Variants in CACNA1B observed in about 807,000 individuals in gnomAD.
CACNA1B encodes voltage-dependent N-type calcium channel subunit alpha-1B.
In CACNA1B, 70 loss-of-function variants were observed where a neutral mutation model predicts 247.2. The ratio of observed to expected loss-of-function variants is 0.28; its 90% CI spans 0.23 to 0.35. CACNA1B has a LOEUF of 0.35. Among genes scored for constraint, CACNA1B ranks in the 10% least tolerant of loss-of-function variants. The probability of loss-of-function intolerance (pLI) is 1.00; values close to 1 mark genes in which losing one functional copy is unlikely to be tolerated. For synonymous variants in CACNA1B, 1,231 were observed against 1,294.4 expected, an observed-to-expected ratio of 0.95 and a Z score of 1.05; for missense variants, 2,367 against 3,197.4, an observed-to-expected ratio of 0.74 and a Z score of 6.26.
chr9:138,038,691 A>C (rs934612022), intron 20 of CACNA1B, among the ~76,000 whole-genome samples: 2 of 152,026 alleles, frequency 1.3e-5, no homozygotes, highest in African/African-American at 4.8e-5. Context: ...TCTGAAGTGC[A>C]CCCTTGCTCG....
At chr9:137,893,335 T>C (rs907555524) in intron 3 of CACNA1B, among the ~76,000 whole-genome samples, 4 of 137,096 alleles carry the variant, frequency 2.9e-5, no homozygotes, top group African/African-American at 1.2e-4. Context: ...TAGACGCTGA[T>C]ATTAACAACT....
Position 137,963,267 on chromosome 9 carries a change from T to C in CACNA1B, c.1333+5580T>C, listed in dbSNP as rs898081487. 8.5e-5 allele frequency among the ~76,000 whole-genome samples: 13 copies of C among 152,328 alleles called. No individual in the cohort carries two copies. In the South Asian group the frequency reaches 1.7e-3, roughly 19 times the overall value. The stretch of plus-strand genomic sequence containing the variant: ...CCTCCATCCCTTTATTTTGAGCCCA[T>C]GTGTGTCTTTGCATGTGATGTGGGT... On this transcript the variant is annotated intron_variant, in intron 10 of 46. Coordinates refer to ENST00000371372, the MANE Select transcript of CACNA1B (RefSeq NM_000718.4).
At chr9:138,105,555 G>C in intron 38 of CACNA1B, 144 bp from the exon 39 acceptor site, 1 of 593,620 alleles carries the variant, frequency 1.7e-6, no homozygotes. Context: ...ACTCCCACCC[G>C]CCCCACCTCA....
chr9:137,956,229 C>T (rs1388872556), intron 8 of CACNA1B, among the ~76,000 whole-genome samples: 1 of 152,178 alleles, frequency 6.6e-6, no homozygotes, highest in African/African-American at 2.4e-5. Context: ...TCGCCTGTGG[C>T]ACAGCTGTTC....
intron 3 of CACNA1B, among the ~76,000 whole-genome samples, chr9:137,903,726 G>A (rs1375503551): frequency 6.6e-6 from 1 of 152,008 alleles, no homozygotes; most frequent in Non-Finnish European, 1.5e-5. Flanking sequence ...AATGTAGTAT[G>A]TATGAAAATT....
At chr9:137,935,872 G>T (rs1957661278) in intron 6 of CACNA1B, among the ~76,000 whole-genome samples, 1 of 151,634 alleles carries the variant, frequency 6.6e-6, no homozygotes, top group Admixed American at 6.6e-5. Flanking sequence ...CCGGAGTGCA[G>T]TGGCACGATC....
intron 6 of CACNA1B, among the ~76,000 whole-genome samples, chr9:137,938,886 A>T (rs1331755108): frequency 2.6e-5 from 4 of 152,150 alleles, no homozygotes; most frequent in African/African-American, 9.7e-5. Flanking sequence ...CAGCCTGGCC[A>T]ACATGGTGAA....
rs1023216949 is a variant in CACNA1B at position 138,054,543 on chromosome 9, G to A, written c.3968+537G>A. Among the ~76,000 whole-genome samples, 1 of 152,238 alleles carries A rather than the reference G, an allele frequency of 6.6e-6. No individual in the cohort carries two copies. Among genetic ancestry groups the A allele is most frequent in the Admixed American group, 6.5e-5 (1 of 15,288 alleles). On this transcript the variant is annotated intron_variant, in intron 26 of 46. Coordinates refer to ENST00000371372, the MANE Select transcript of CACNA1B (RefSeq NM_000718.4). This position sits in a 1 kb window ranked among gnomAD's most constrained non-coding sequence, Gnocchi z 4.6. ...ACCCACAGTGTCTTCCTGCCCACGC[G>A]GCAGCGTCCCAGCTGCTTCTGTGTG...
At chr9:137,968,825 G>A (rs1958112602) in intron 10 of CACNA1B, among the ~76,000 whole-genome samples, 2 of 152,216 alleles carry the variant, frequency 1.3e-5, no homozygotes, top group Non-Finnish European at 2.9e-5. Flanking sequence ...GTACTTCACT[G>A]TGTCATCATT....
intron 10 of CACNA1B, among the ~76,000 whole-genome samples, chr9:137,958,300 C>G (rs1347882427): frequency 2.6e-5 from 4 of 152,212 alleles, no homozygotes; most frequent in Non-Finnish European, 5.9e-5. Context: ...TAGGAAACTC[C>G]TGTTAACAAC....
chr9:138,120,973 C>T (rs1962072095), intron 46 of CACNA1B, 92 bp downstream of exon 46: 16 of 1,397,156 alleles, frequency 1.1e-5, no homozygotes, highest in South Asian at 8.1e-5. Context: ...CCCAGGGCCT[C>T]GCTGCTGCCC....
intron 12 of CACNA1B, among the ~76,000 whole-genome samples, chr9:137,981,924 T>C (rs1958297855): frequency 6.6e-6 from 1 of 152,208 alleles, no homozygotes; most frequent in African/African-American, 2.4e-5. Context: ...TGTCCAAAAT[T>C]CTATGAACTG....
In CACNA1B at chr9:137,891,038, T is replaced by G. The variant is rs577152579; in HGVS notation, c.530+8155T>G. 3 of 152,054 alleles carry G rather than the reference T, an allele frequency of 2.0e-5. No homozygotes were observed. In the East Asian group the frequency reaches 5.8e-4, roughly 29 times the overall value. 9.4% of individuals were successfully genotyped at this position (152,054 alleles called of 1,614,324 possible). A position where few individuals can be genotyped will look rare whatever the true frequency, so the allele number is the denominator to read the frequency against. ...GGAAGGGAGGGACACAGCTGTGTGG[T>G]GTCGGGGGCACACGCCCACTCCTGG... is the stretch of plus-strand genomic sequence containing the variant. On this transcript the variant is annotated intron_variant, in intron 3 of 46. Transcript: ENST00000371372. The surrounding 1 kb of genome is among the most constrained non-coding windows in gnomAD (Gnocchi z 4.3).
At position 137,984,222 on chromosome 9, in the gene CACNA1B, C is replaced by T. The variant is rs760821629; in HGVS notation, c.1741C>T (p.Arg581Cys). ...TGGGATCAGTGTGCTGCGGGCCCTC[C>T]GCCTGCTGAGGATCTTCAAAGTCAC... ...SFGISVLRAL[R>C]LLRIFKVTKY... Residue 581 changes from arginine to cysteine, a missense_variant, in exon 13 of 47, where the codon CGC (arginine) becomes TGC (cysteine). Transcript: ENST00000371372. 1.9e-6 allele frequency: 3 copies of T among 1,598,076 alleles called. No homozygotes were observed. Among genetic ancestry groups the T allele is most frequent in the East Asian group, 2.3e-5 (1 of 44,068 alleles).
Position 138,050,713 on chromosome 9 carries a change from G to A in CACNA1B, c.3711-1379G>A, listed in dbSNP as rs953247129. On this transcript the variant is annotated intron_variant, in intron 24 of 46. Coordinates refer to ENST00000371372, the MANE Select transcript of CACNA1B (RefSeq NM_000718.4). This position sits in a 1 kb window ranked among gnomAD's most constrained non-coding sequence, Gnocchi z 5.2. ...CTCCCCCAGAAAGCCTCATTTACTG[G>A]GTGACAAAACAGTATCCCCTCCCTC... Among the ~76,000 whole-genome samples the A allele has an allele frequency of 8.5e-5, 13 of 152,150 alleles. No homozygotes were observed. Among genetic ancestry groups the A allele is most frequent in the African/African-American group, 3.1e-4 (13 of 41,422 alleles).
intron 36 of CACNA1B, among the ~76,000 whole-genome samples, chr9:138,089,140 C>G (rs1020201773): frequency 6.6e-6 from 1 of 151,780 alleles, no homozygotes; most frequent in Admixed American, 6.6e-5. Context: ...CTAGCATTAC[C>G]CTAATATAAA....
In CACNA1B at chr9:138,023,040, C is replaced by A; in HGVS notation, c.2297C>A (p.Ser766Ter). 6.6e-7 allele frequency: 1 copy of A among 1,525,204 alleles called. No homozygotes were observed. 94.5% of individuals were successfully genotyped at this position (1,525,204 alleles called of 1,614,324 possible). Residue 766 changes from serine to a stop codon, truncating the protein, a stop_gained, in exon 19 of 47, where the codon TCG (serine) becomes TAG (stop). Coordinates refer to ENST00000371372, the MANE Select transcript of CACNA1B (RefSeq NM_000718.4). LOFTEE classifies it high-confidence loss of function. The part of the protein sequence containing the change: ...ARQQNSAKAR[S>*]VWEQRASQLR... Reference sequence around the variant, plus strand: ...CAGCAGAACTCGGCCAAGGCGCGCTCGGTGTGGGAGCAGCGGGCCAGCCAG... The same window carrying A: ...CAGCAGAACTCGGCCAAGGCGCGCTAGGTGTGGGAGCAGCGGGCCAGCCAG...
intron 44 of CACNA1B, among the ~76,000 whole-genome samples, chr9:138,119,864 C>T (rs955378721): frequency 1.3e-5 from 2 of 152,320 alleles, no homozygotes; most frequent in East Asian, 3.9e-4. Context: ...ACGCACCAGG[C>T]AGAGTGATCC....
chr9:137,998,162 C>G (rs190014078), intron 15 of CACNA1B, among the ~76,000 whole-genome samples: 1 of 152,054 alleles, frequency 6.6e-6, no homozygotes, highest in South Asian at 2.1e-4. Context: ...CTGGGGAGTT[C>G]TGGCCACATT....
Sources: gnomAD v4.1 joint callset for allele counts (sites outside exome capture counted in the v4.1 genomes callset) on GRCh38, gnomAD v4.1.1 for gene constraint, Gnocchi (gnomAD v3.1) non-coding constraint, MANE v1.5 for transcripts, NCBI Gene and HGNC (gene_info 2026-07-23, HGNC 2026-07-21) for gene names.